Variants in DUSP16 observed in about 807,000 individuals in gnomAD.
DUSP16 encodes dual specificity protein phosphatase 16.
In DUSP16, 21 loss-of-function variants were observed where a neutral mutation model predicts 58.3. The ratio of observed to expected loss-of-function variants is 0.36; its 90% CI spans 0.26 to 0.52. The LOEUF (loss-of-function observed/expected upper bound fraction) is 0.52. Among genes scored for constraint, DUSP16 ranks in the 20% least tolerant of loss-of-function variants. The pLI is 0.94. For missense variants in DUSP16, 726 were observed against 819.0 expected (o/e 0.89, Z 1.39); for synonymous variants, 320 against 323.8 (o/e 0.99, Z 0.12).
chr12:12,507,340 A>G (rs1184812698), intron 3 of DUSP16, among the ~76,000 whole-genome samples: 2 of 152,178 alleles, frequency 1.3e-5, no homozygotes, highest in South Asian at 2.1e-4. Flanking sequence ...CTTTCCACTC[A>G]TGCCTTCATT....
rs922308770 is a variant in DUSP16, at chr12:12,562,292, A to G, written c.-541T>C. 2 of 139,438 alleles carry G rather than the reference A, an allele frequency of 1.4e-5. No individual in the cohort carries two copies. Among genetic ancestry groups the G allele is most frequent in the African/African-American group, 2.6e-5 (1 of 38,808 alleles). The allele number at this position is 139,438 out of a possible 1,614,324, so 8.6% of individuals were successfully genotyped here. A position where few individuals can be genotyped will look rare whatever the true frequency, so the allele number is the denominator to read the frequency against. The stretch of plus-strand genomic sequence containing the variant: ...CTCTCCTCCTCCTCTTCTTTTCAGT[A>G]TATTATCTTCTCCTTCTCTGAGGGG... On this transcript the variant is annotated 5_prime_UTR_variant, in exon 1 of 7. Transcript: ENST00000298573.
At chr12:12,524,085 A>G (rs1483931951) in intron 1 of DUSP16, among the ~76,000 whole-genome samples, 4 of 152,256 alleles carry the variant, frequency 2.6e-5, no homozygotes, top group African/African-American at 9.6e-5. Context: ...GTTGAATTAG[A>G]AAGTTCTCAT....
chr12:12,545,291 G>A (rs949677174), intron 1 of DUSP16, among the ~76,000 whole-genome samples: 3 of 151,892 alleles, frequency 2.0e-5, no homozygotes, highest in Non-Finnish European at 4.4e-5. Flanking sequence ...ATGGATTCTC[G>A]CTCTGTCACC....
chr12:12,495,594 TGAA>T (rs1422070355), intron 4 of DUSP16, among the ~76,000 whole-genome samples: 1 of 152,216 alleles, frequency 6.6e-6, no homozygotes, highest in Admixed American at 6.5e-5. Context: ...ATGCAGACTG[TGAA>T]GTAGTACAGA....
intron 1 of DUSP16, among the ~76,000 whole-genome samples, chr12:12,541,396 C>T (rs2136252324): frequency 6.6e-6 from 1 of 152,294 alleles, no homozygotes; most frequent in South Asian, 2.1e-4. Flanking sequence ...GAGGTACAGG[C>T]CTTGACAAGG....
chr12:12,524,701 C>T (rs981762401), intron 1 of DUSP16, among the ~76,000 whole-genome samples: 1 of 152,138 alleles, frequency 6.6e-6, no homozygotes, highest in African/African-American at 2.4e-5. Context: ...GTCCATAGAA[C>T]AAAATCCAGA....
At chr12:12,555,506 T>A (rs1013297807) in intron 1 of DUSP16, among the ~76,000 whole-genome samples, 7 of 152,216 alleles carry the variant, frequency 4.6e-5, no homozygotes, top group Non-Finnish European at 1.0e-4. Flanking sequence ...GTAAGTAGCA[T>A]ATACTTCTCT....
chr12:12,491,146 C>T (rs1943755101), intron 4 of DUSP16: 1 of 145,614 alleles, frequency 6.9e-6, no homozygotes, highest in Non-Finnish European at 1.5e-5. Flanking sequence ...TGTTAGTTTG[C>T]TCTCTTGATT....
In DUSP16 at chr12:12,477,222, T is replaced by C. The variant is rs1314618035; in HGVS notation, c.1609A>G (p.Lys537Glu). Residue 537 changes from lysine to glutamate, a missense_variant, in exon 7 of 7, where the codon AAG becomes GAG. Physicochemically the swap from Lys to Glu is moderately conservative, Grantham distance 56. Transcript: ENST00000298573. The surrounding 1 kb of genome is among the most constrained non-coding windows in gnomAD (Gnocchi z 4.1). ...HLTKSAGLGL[K>E]GWHSDILAPQ... ...GCCAAGATATCCGAGTGCCAGCCCT[T>C]AAGGCCCAGGCCAGCAGACTTCGTG... The C allele has an allele frequency of 2.5e-6, 4 of 1,614,156 alleles. No individual in the cohort carries two copies. Among genetic ancestry groups the C allele is most frequent in the South Asian group, 1.1e-5 (1 of 91,078 alleles).
At chr12:12,560,724 A>ATTT (rs1944886185) in intron 1 of DUSP16, 1 of 152,240 alleles carries the variant, frequency 6.6e-6, no homozygotes, top group African/African-American at 2.4e-5. Flanking sequence ...TTAAAGAGTA[A>ATTT]TTAATTCAAT....
At chr12:12,489,712 G>A (rs1943736278) in intron 4 of DUSP16, among the ~76,000 whole-genome samples, 1 of 152,086 alleles carries the variant, frequency 6.6e-6, no homozygotes, top group African/African-American at 2.4e-5. Context: ...AAGTCAATAA[G>A]GACTGTCAAA....
At chr12:12,479,418 T>C (rs150383129) in intron 6 of DUSP16, among the ~76,000 whole-genome samples, 153 of 152,320 alleles carry the variant, frequency 1.0e-3, no homozygotes, top group African/African-American at 3.6e-3. Context: ...TTCTTCTGAT[T>C]TCTACATGGA....
At chr12:12,521,534 A>G (rs1944238164) in intron 1 of DUSP16, 71 bp from the exon 2 acceptor site, 1 of 632,598 alleles carries the variant, frequency 1.6e-6, no homozygotes, top group African/African-American at 2.0e-5. Context: ...CAGATTAGAG[A>G]GAGTGTATGA....
intron 1 of DUSP16, among the ~76,000 whole-genome samples, chr12:12,535,704 A>G (rs1446611553): frequency 1.3e-5 from 2 of 152,274 alleles, no homozygotes; most frequent in African/African-American, 4.8e-5. Context: ...TTGAACAAAT[A>G]TGAAAAGATA....
chr12:12,552,846 T>C (rs1944751528), intron 1 of DUSP16, among the ~76,000 whole-genome samples: 1 of 152,046 alleles, frequency 6.6e-6, no homozygotes, highest in Admixed American at 6.5e-5. Context: ...AATGGCAGGA[T>C]CTCGGCTCAC....
At chr12:12,547,084 GAAATA>G (rs555116027) in intron 1 of DUSP16, among the ~76,000 whole-genome samples, 65 of 152,264 alleles carry the variant, frequency 4.3e-4, no homozygotes, top group African/African-American at 1.4e-3. Context: ...GTTCTTAACA[GAAATA>G]AAAATTCACT....
At chr12:12,551,460 T>TAAA (rs61650727) in intron 1 of DUSP16, among the ~76,000 whole-genome samples, 43 of 134,094 alleles carry the variant, frequency 3.2e-4, no homozygotes, top group African/African-American at 6.7e-4. Context: ...GAGACTGTAT[T>TAAA]AAAAAAAAAA....
At chr12:12,497,718 TC>T (rs1160608127) in intron 4 of DUSP16, among the ~76,000 whole-genome samples, 1 of 150,540 alleles carries the variant, frequency 6.6e-6, no homozygotes, top group Non-Finnish European at 1.5e-5. Context: ...ACGCCTGTAA[TC>T]CCAGCACTTT....
rs1943518293 is a variant in DUSP16, at chr12:12,479,311, G to GC, written c.815+911dup. On this transcript the variant is annotated intron_variant, in intron 6 of 6. Coordinates refer to ENST00000298573, the MANE Select transcript of DUSP16 (RefSeq NM_030640.3). ...AAACTTGGAAATCAAGTAACCTAAAGCAAATTCACAAAAATAGAAATAACT... is the reference window on the plus strand; with the variant it reads ...AAACTTGGAAATCAAGTAACCTAAAGCCAAATTCACAAAAATAGAAATAACT... Among the ~76,000 whole-genome samples, 3 of 151,940 alleles carry GC rather than the reference G, an allele frequency of 2.0e-5. No individual in the cohort carries two copies. In the South Asian group the frequency reaches 6.2e-4, roughly 31 times the overall value.
Sources: allele counts gnomAD v4.1 joint callset (sites outside exome capture counted in the v4.1 genomes callset), GRCh38; gene constraint gnomAD v4.1.1; non-coding constraint Gnocchi (gnomAD v3.1); transcripts MANE v1.5; gene names NCBI Gene and HGNC (gene_info 2026-07-23, HGNC 2026-07-21).